GRIP1: variants seen among roughly 807,000 people sequenced by gnomAD.
GRIP1 encodes glutamate receptor interacting protein 1, also known as glutamate receptor-interacting protein 1.
GRIP1 carries 45 observed loss-of-function variants against 129.9 expected under a neutral mutation model. The ratio of observed to expected loss-of-function variants is 0.35; its 90% CI spans 0.27 to 0.44. GRIP1 has a LOEUF of 0.44. Ranked by LOEUF, GRIP1 falls within the 20% of genes least tolerant of loss-of-function variation. The pLI is 1.00. For synonymous variants in GRIP1, 530 were observed against 520.8 expected, an observed-to-expected ratio of 1.02 and a Z score of -0.24; for missense variants, 1,196 against 1,396.8, an observed-to-expected ratio of 0.86 and a Z score of 2.29.
At position 66,347,918 on chromosome 12, in the gene GRIP1, C is replaced by T. The variant is rs916719932; in HGVS notation, c.*1101G>A. ...AGATCTATTTATTTTTTTATGTTCA[C>T]CAAATAATAACAGTTATTAGTGTAG... On this transcript the variant is annotated 3_prime_UTR_variant, in exon 25 of 25. Transcript: ENST00000359742. The T allele has an allele frequency of 1.3e-5, 2 of 151,892 alleles. No individual in the cohort carries two copies. The highest frequency in any genetic ancestry group is 4.8e-5 in the African/African-American group (2 of 41,364). 9.4% of individuals were successfully genotyped at this position (151,892 alleles called of 1,614,324 possible).
chr12:66,394,713 T>A (rs976132399), intron 16 of GRIP1, among the ~76,000 whole-genome samples: 19 of 152,154 alleles, frequency 1.2e-4, no homozygotes, highest in African/African-American at 4.6e-4. Context: ...TGAGGAGGCA[T>A]TATAATATGA....
intron 1 of GRIP1, among the ~76,000 whole-genome samples, chr12:66,902,264 A>G (rs2904532): frequency 0.26 from 39,464 of 152,096 alleles, 5,532 homozygotes; most frequent in East Asian, 0.45. Flanking sequence ...TTGGATTTAC[A>G]TTCACATATT....
At chr12:66,773,818 C>G (rs1365222638) in intron 1 of GRIP1, among the ~76,000 whole-genome samples, 1 of 152,090 alleles carries the variant, frequency 6.6e-6, no homozygotes, top group African/African-American at 2.4e-5. Flanking sequence ...AAGTATTAAA[C>G]TTTTTGGCAT....
At chr12:66,549,783 A>T (rs2062064496) in intron 2 of GRIP1, among the ~76,000 whole-genome samples, 1 of 152,186 alleles carries the variant, frequency 6.6e-6, no homozygotes, top group African/African-American at 2.4e-5. Flanking sequence ...TACAGCACAT[A>T]AATATTACCT....
intron 1 of GRIP1, among the ~76,000 whole-genome samples, chr12:66,726,827 C>T (rs1226974698): frequency 6.6e-6 from 1 of 152,164 alleles, no homozygotes; most frequent in African/African-American, 2.4e-5. Context: ...TAAGTAAGAT[C>T]GGCTGGATCC....
intron 1 of GRIP1, among the ~76,000 whole-genome samples, chr12:67,068,849 T>G (rs1482382247): frequency 4.7e-4 from 1 of 2,120 alleles, no homozygotes; most frequent in South Asian, 0.028. Context: ...TGCCCTCTCA[T>G]CCCGCCCCCC....
chr12:66,479,659 T>A (rs1008515146), intron 7 of GRIP1, among the ~76,000 whole-genome samples: 2 of 152,076 alleles, frequency 1.3e-5, no homozygotes, highest in Non-Finnish European at 2.9e-5. Context: ...AACATCAATA[T>A]GAAAATCCTC....
Position 66,955,879 on chromosome 12 carries a change from C to T in GRIP1, c.58+113171G>A, listed in dbSNP as rs560392578. Among the ~76,000 whole-genome samples the T allele has an allele frequency of 3.3e-5, 5 of 152,244 alleles. No homozygotes were observed. The East Asian group carries it at 9.6e-4, about 29-fold the overall frequency. ...AGCTCTACAAGGGAAAGCATATTAC[C>T]TGTTTTATTCATTGAGTATTCTTAG... On this transcript the variant is annotated intron_variant, in intron 1 of 1. Coordinates refer to the GRIP1 transcript ENST00000643019.
intron 1 of GRIP1, among the ~76,000 whole-genome samples, chr12:66,774,684 C>T (rs1253393156): frequency 1.3e-5 from 2 of 152,048 alleles, no homozygotes; most frequent in Admixed American, 6.5e-5. Flanking sequence ...ATAGGCTACA[C>T]GAATGGAAAT....
chr12:66,362,866 T>G (rs1346360729), intron 23 of GRIP1, among the ~76,000 whole-genome samples: 1 of 151,682 alleles, frequency 6.6e-6, no homozygotes, highest in Non-Finnish European at 1.5e-5. Context: ...TCTCACTGCT[T>G]CTCTCGCTCA....
chr12:66,436,305 C>A (rs2058302609), intron 13 of GRIP1, among the ~76,000 whole-genome samples: 1 of 151,968 alleles, frequency 6.6e-6, no homozygotes, highest in African/African-American at 2.4e-5. Flanking sequence ...TAACTCCCAC[C>A]AATGCAGAGA....
intron 7 of GRIP1, among the ~76,000 whole-genome samples, chr12:66,494,795 C>T (rs1018061439): frequency 2.0e-5 from 3 of 151,974 alleles, no homozygotes; most frequent in South Asian, 2.1e-4. Flanking sequence ...GTAGGAGGAT[C>T]GCTTGAGCCC....
At chr12:66,547,924 T>C (rs1264935122) in intron 2 of GRIP1, among the ~76,000 whole-genome samples, 1 of 152,160 alleles carries the variant, frequency 6.6e-6, no homozygotes, top group Non-Finnish European at 1.5e-5. Flanking sequence ...AGGTAAAGGA[T>C]ATAAGGAATT....
intron 1 of GRIP1, among the ~76,000 whole-genome samples, chr12:67,005,841 C>A (rs1265809440): frequency 1.3e-5 from 2 of 152,196 alleles, no homozygotes; most frequent in African/African-American, 4.8e-5. Context: ...TAAAACAGAA[C>A]AAGGAAGACC....
intron 3 of GRIP1, among the ~76,000 whole-genome samples, chr12:66,539,804 A>C (rs2061720574): frequency 6.6e-6 from 1 of 152,124 alleles, no homozygotes; most frequent in South Asian, 2.1e-4. Context: ...GAGAAATCAC[A>C]ATGCAAATAT....
At chr12:67,052,663 G>A (rs2043365199) in intron 1 of GRIP1, among the ~76,000 whole-genome samples, 1 of 151,978 alleles carries the variant, frequency 6.6e-6, no homozygotes, top group African/African-American at 2.4e-5. Flanking sequence ...AGGATGCTGA[G>A]GCAGGAGAAT....
intron 1 of GRIP1, among the ~76,000 whole-genome samples, chr12:66,711,734 A>G (rs886967016): frequency 4.6e-5 from 7 of 151,862 alleles, no homozygotes; most frequent in African/African-American, 1.7e-4. Context: ...CCTACCAACA[A>G]TATTCTTTAG....
chr12:66,756,542 T>C (rs2037292259), intron 1 of GRIP1, among the ~76,000 whole-genome samples: 1 of 152,180 alleles, frequency 6.6e-6, no homozygotes, highest in African/African-American at 2.4e-5. Flanking sequence ...ATAAGAACTC[T>C]TTTTCTGATG....
At chr12:66,369,846 G>T (rs2055385742) in intron 23 of GRIP1, among the ~76,000 whole-genome samples, 1 of 152,174 alleles carries the variant, frequency 6.6e-6, no homozygotes, top group African/African-American at 2.4e-5. Flanking sequence ...GCCTAATGGT[G>T]TATGTCAATT....
Sources: allele counts gnomAD v4.1 joint callset (sites outside exome capture counted in the v4.1 genomes callset), GRCh38; gene constraint gnomAD v4.1.1; transcripts MANE v1.5; gene names NCBI Gene and HGNC (gene_info 2026-07-23, HGNC 2026-07-21).